The following EXOC4 variants were observed in gnomAD, a reference collection of about 807,000 sequenced individuals.
The protein encoded by EXOC4 is SEC8-like 1.
In EXOC4, 71 loss-of-function variants were observed where a neutral mutation model predicts 107.2. The ratio of observed to expected loss-of-function variants is 0.66; its 90% confidence interval spans 0.55 to 0.81. The LOEUF is 0.81. EXOC4 is among the 30% of genes least tolerant of loss of function. The probability of loss-of-function intolerance (pLI) is 0.00; values close to 1 mark genes in which losing one functional copy is unlikely to be tolerated. For synonymous variants in EXOC4, 456 were observed against 441.2 expected (o/e 1.03, Z -0.42); for missense variants, 1,108 against 1,189.6 (o/e 0.93, Z 1.01).
chr7:133,629,707 AT>A (rs202204479), intron 9 of EXOC4, among the ~76,000 whole-genome samples: 940 of 142,522 alleles, frequency 6.6e-3, no homozygotes, highest in African/African-American at 0.01. Flanking sequence ...TGCCTGGCTA[AT>A]TTTTTTTTTT....
chr7:133,342,560 G>A (rs760419033), intron 5 of EXOC4, among the ~76,000 whole-genome samples: 4 of 152,114 alleles, frequency 2.6e-5, no homozygotes, highest in Non-Finnish European at 4.4e-5. Context: ...TTATTTGGAT[G>A]TCTAGATCTC....
At chr7:133,978,390 AAGGTAGCCC>A (rs1397295647) in intron 14 of EXOC4, among the ~76,000 whole-genome samples, 1 of 152,182 alleles carries the variant, frequency 6.6e-6, no homozygotes, top group Non-Finnish European at 1.5e-5. Context: ...CATTGCATTA[AAGGTAGCCC>A]AGAGATCCTT....
At chr7:134,012,700 A>G (rs1421546021) in intron 17 of EXOC4, among the ~76,000 whole-genome samples, 1 of 152,150 alleles carries the variant, frequency 6.6e-6, no homozygotes, top group African/African-American at 2.4e-5. Flanking sequence ...AGTCATGAGA[A>G]AGGCTGAGAG....
chr7:134,070,584 T>C (rs1190835806), downstream of EXOC4, among the ~76,000 whole-genome samples: 1 of 152,134 alleles, frequency 6.6e-6, no homozygotes, highest in Non-Finnish European at 1.5e-5. Context: ...GGTGTGAGTG[T>C]GATGAAACGT....
intron 14 of EXOC4, among the ~76,000 whole-genome samples, chr7:133,939,538 ACTT>A (rs1800379968): frequency 1.3e-5 from 2 of 152,142 alleles, no homozygotes; most frequent in Admixed American, 1.3e-4. Flanking sequence ...TGAAAATACT[ACTT>A]ATTTTTGAGA....
At chr7:133,817,249 T>C in intron 10 of EXOC4, 76 bp from the exon 11 acceptor site, 3 of 987,584 alleles carry the variant, frequency 3.0e-6, no homozygotes, top group Non-Finnish European at 4.7e-6. Flanking sequence ...ACACTAGATA[T>C]ACTCATGTCC....
chr7:133,790,974 C>G (rs1400357772), intron 10 of EXOC4, among the ~76,000 whole-genome samples: 2 of 152,208 alleles, frequency 1.3e-5, no homozygotes, highest in Non-Finnish European at 2.9e-5. Context: ...TTACAAATAT[C>G]TACTTTAGTT....
intron 9 of EXOC4, among the ~76,000 whole-genome samples, chr7:133,608,741 G>T (rs1460836881): frequency 6.6e-6 from 1 of 151,726 alleles, no homozygotes; most frequent in Non-Finnish European, 1.5e-5. Context: ...TAGAGACAGG[G>T]TTTTACCATG....
rs7786863 is a variant in EXOC4 at position 133,432,679 on chromosome 7, G to A, written c.1183-42649G>A. Among the ~76,000 whole-genome samples the A allele has an allele frequency of 1.4e-3, 216 of 152,334 alleles. 1 individual carries two copies. The highest frequency in any genetic ancestry group is 5.0e-3 in the African/African-American group (209 of 41,576). On this transcript the variant is annotated intron_variant, in intron 7 of 17. Transcript: ENST00000253861. ...CTGTAAAGCTTCGTTAATAGCTGCT[G>A]TAAATCTGTTTGTCAAGTGCTTTCC... is the stretch of plus-strand genomic sequence containing the variant.
the EXOC4 span, among the ~76,000 whole-genome samples, chr7:134,087,027 T>A: frequency 6.6e-6 from 1 of 152,170 alleles, no homozygotes. Context: ...TACTGCAAAC[T>A]GTTTTATCAG....
intron 9 of EXOC4, among the ~76,000 whole-genome samples, chr7:133,548,751 A>T (rs1380437258): frequency 6.6e-6 from 1 of 152,204 alleles, no homozygotes; most frequent in Admixed American, 6.5e-5. Context: ...GTTCTGGATT[A>T]GGCGTTTGCT....
chr7:133,297,497 C>G (rs565317150), intron 3 of EXOC4, among the ~76,000 whole-genome samples: 1 of 152,252 alleles, frequency 6.6e-6, no homozygotes, highest in South Asian at 2.1e-4. Flanking sequence ...GTTCTTAATT[C>G]TAGTCCTGAT....
chr7:133,829,508 CT>C (rs1797766414), intron 11 of EXOC4, among the ~76,000 whole-genome samples: 2 of 152,194 alleles, frequency 1.3e-5, no homozygotes, highest in South Asian at 4.1e-4. Flanking sequence ...GACATCATGG[CT>C]GCCTGAGATT....
intron 7 of EXOC4, among the ~76,000 whole-genome samples, chr7:133,453,857 G>T (rs1337656023): frequency 6.6e-6 from 1 of 152,020 alleles, no homozygotes; most frequent in Non-Finnish European, 1.5e-5. Context: ...TAACTTTATT[G>T]TGACAGCTAG....
At chr7:133,809,599 A>C (rs1797166472) in intron 10 of EXOC4, among the ~76,000 whole-genome samples, 1 of 152,240 alleles carries the variant, frequency 6.6e-6, no homozygotes, top group South Asian at 2.1e-4. Context: ...TGCAGAAGTC[A>C]TAAAGGATAA....
intron 14 of EXOC4, among the ~76,000 whole-genome samples, chr7:133,953,901 T>C (rs1800751514): frequency 6.6e-6 from 1 of 152,232 alleles, no homozygotes; most frequent in African/African-American, 2.4e-5. Context: ...GTTTTACTAA[T>C]ATTTAACATA....
At chr7:133,889,554 G>T (rs375752147) in intron 11 of EXOC4, among the ~76,000 whole-genome samples, 1 of 123,028 alleles carries the variant, frequency 8.1e-6, no homozygotes, top group South Asian at 2.9e-4. Context: ...GTATATCTCC[G>T]AATGCTATCC....
chr7:134,033,635 T>TA (rs1795320396), intron 17 of EXOC4, among the ~76,000 whole-genome samples: 1 of 152,132 alleles, frequency 6.6e-6, no homozygotes, highest in Non-Finnish European at 1.5e-5. Context: ...GAAGAACTAG[T>TA]AAAAATGCTT....
chr7:133,926,042 C>CAAAA (rs552126104), intron 13 of EXOC4, among the ~76,000 whole-genome samples: 18 of 104,606 alleles, frequency 1.7e-4, no homozygotes, highest in Non-Finnish European at 2.5e-4. Context: ...GACTCCGTCT[C>CAAAA]AAAAAAAAAA....
Sources: allele counts gnomAD v4.1 joint callset (sites outside exome capture counted in the v4.1 genomes callset), GRCh38; gene constraint gnomAD v4.1.1; transcripts MANE v1.5; gene names NCBI Gene and HGNC (gene_info 2026-07-23, HGNC 2026-07-21).